OC90: variants seen among roughly 807,000 people sequenced by gnomAD.
OC90 encodes the protein otoconin 90, also known as otoconin-90.
Under a neutral mutation model 47.3 loss-of-function variants are expected in OC90, and 46 were observed. The ratio of observed to expected loss-of-function variants is 0.97; its 90% CI spans 0.77 to 1.24. The LOEUF is 1.24. Among genes scored for constraint, OC90 ranks in the 50% most tolerant of loss-of-function variants. OC90 has a pLI of 0.00. For synonymous variants in OC90, 271 were observed against 219.5 expected, an observed-to-expected ratio of 1.23 and a Z score of -2.07; for missense variants, 688 against 583.9, an observed-to-expected ratio of 1.18 and a Z score of -1.84.
chr8:132,034,939 T>G (rs561249977), intron 9 of OC90, 105 bp from the exon 10 acceptor site: 2 of 761,282 alleles, frequency 2.6e-6, no homozygotes, highest in African/African-American at 1.7e-5. Flanking sequence ...CCATGTGCTC[T>G]TCACTCTGCC....
In OC90 at chr8:132,032,052, G is replaced by A; in HGVS notation, c.860C>T (p.Ala287Val). 1 of 1,613,426 alleles carries A rather than the reference G, an allele frequency of 6.2e-7. No homozygotes were observed. Among genetic ancestry groups the A allele is most frequent in the South Asian group, 1.1e-5 (1 of 90,974 alleles). Residue 287 changes from alanine to valine, a missense_variant and splice_region_variant, in exon 12 of 14, where the codon GCC becomes GTC. Coordinates refer to ENST00000254627, the MANE Select transcript of OC90 (RefSeq NM_001080399.3). ...GTGCAGGAAGGTGAATCTGTCACAGGCTGAAAGGAACAGGAATTGTCAGGA... is the reference window on the plus strand; with the variant it reads ...GTGCAGGAAGGTGAATCTGTCACAGACTGAAAGGAACAGGAATTGTCAGGA... ...ENDPEETTEK[A>V]CDRFTFLHLG...
chr8:132,052,511 G>A (rs1476576582), intron 2 of OC90, among the ~76,000 whole-genome samples: 5 of 152,146 alleles, frequency 3.3e-5, no homozygotes, highest in East Asian at 1.9e-4. Context: ...ACCTATAGAT[G>A]TTAATAAGGT....
At chr8:132,052,290 G>T (rs1388923419) in intron 2 of OC90, among the ~76,000 whole-genome samples, 2 of 152,194 alleles carry the variant, frequency 1.3e-5, no homozygotes, top group Non-Finnish European at 2.9e-5. Context: ...TTGTCACAAA[G>T]CTCATGTACT....
Position 132,039,128 on chromosome 8 carries a change from A to G in OC90, c.458-5T>C. 6.3e-7 allele frequency: 1 copy of G among 1,598,386 alleles called. No homozygotes were observed. Among genetic ancestry groups the G allele is most frequent in the Non-Finnish European group, 8.5e-7 (1 of 1,172,340 alleles). ...GCTCACAGTTGTCCTTGGACTCTGC[A>G]CACAGCAAGAGCATAGCCAATTGGA... On this transcript the variant is annotated splice_polypyrimidine_tract_variant and splice_region_variant and intron_variant, in intron 6 of 13. Transcript: ENST00000254627.
intron 12 of OC90, among the ~76,000 whole-genome samples, 161 bp from the exon 13 acceptor site, chr8:132,029,340 C>T (rs943597738): frequency 2.0e-5 from 3 of 152,170 alleles, no homozygotes; most frequent in Admixed American, 1.3e-4. Flanking sequence ...CAAGGGCCGT[C>T]GTGTATGGTT....
At chr8:132,034,933 G>A (rs1345028161) in intron 9 of OC90, 99 bp from the exon 10 acceptor site, 4 of 817,440 alleles carry the variant, frequency 4.9e-6, no homozygotes, top group Admixed American at 1.9e-5. Flanking sequence ...AGGCAGCCAT[G>A]TGCTCTTCAC....
intron 2 of OC90, among the ~76,000 whole-genome samples, chr8:132,048,463 G>A (rs1187930766): frequency 6.8e-6 from 1 of 147,322 alleles, no homozygotes; most frequent in Non-Finnish European, 1.5e-5. Flanking sequence ...ACCCACCGTG[G>A]TCCCCCAAAT....
intron 2 of OC90, among the ~76,000 whole-genome samples, chr8:132,052,481 G>C (rs1009702209): frequency 6.6e-6 from 1 of 152,144 alleles, no homozygotes; most frequent in Non-Finnish European, 1.5e-5. Context: ...CTCTTCTGGA[G>C]GGTGGGAGAT....
At chr8:132,049,314 T>C (rs1823181374) in intron 2 of OC90, among the ~76,000 whole-genome samples, 1 of 146,900 alleles carries the variant, frequency 6.8e-6, no homozygotes, top group Non-Finnish European at 1.5e-5. Context: ...TCCAGCTTCT[T>C]AATGAGTAAT....
At chr8:132,031,857 G>A (rs1219292000) in intron 12 of OC90, 24 bp downstream of exon 12, 2 of 1,607,940 alleles carry the variant, frequency 1.2e-6, no homozygotes, top group Non-Finnish European at 8.5e-7. Context: ...CTACACCAGA[G>A]CTGTCACCGC....
chr8:132,038,012 C>A (rs989537247), intron 8 of OC90, among the ~76,000 whole-genome samples: 2 of 152,128 alleles, frequency 1.3e-5, no homozygotes, highest in African/African-American at 2.4e-5. Flanking sequence ...TAACAAACAC[C>A]AAACACTGCA....
intron 2 of OC90, among the ~76,000 whole-genome samples, chr8:132,048,065 A>C (rs11990750): frequency 0.049 from 7,496 of 152,252 alleles, 516 homozygotes; most frequent in African/African-American, 0.16. Context: ...CTGCCATGTG[A>C]AGATAAAACG....
At chr8:132,048,615 GT>G (rs1348413475) in intron 2 of OC90, among the ~76,000 whole-genome samples, 2 of 151,668 alleles carry the variant, frequency 1.3e-5, no homozygotes, top group South Asian at 2.1e-4. Context: ...CACCTTAGCT[GT>G]TTTTCTATCA....
In OC90 at chr8:132,034,848, AAG is replaced by A. The variant is rs774491405; in HGVS notation, c.680-16_680-15del. ...CGTGGCCTGCTTCTGTTCCCCAAAG[AAG>A]AGAGACAGCATGAGCATCCACCCCA... On this transcript the variant is annotated splice_polypyrimidine_tract_variant and intron_variant, in intron 9 of 13. Transcript: ENST00000254627. 1 of 1,609,700 alleles carries A rather than the reference AAG, an allele frequency of 6.2e-7. No homozygotes were observed. The highest frequency in any genetic ancestry group is 1.1e-5 in the South Asian group (1 of 90,730).
chr8:132,025,804 C>G (rs1586704249), intron 13 of OC90, among the ~76,000 whole-genome samples: 1 of 152,338 alleles, frequency 6.6e-6, no homozygotes, highest in Middle Eastern at 3.4e-3. Context: ...TCAAGGACTG[C>G]AGAGCCTGTC....
intron 2 of OC90, 138 bp downstream of exon 2, chr8:132,054,843 T>C: frequency 1.8e-6 from 1 of 547,398 alleles, no homozygotes; most frequent in Non-Finnish European, 3.2e-6. Context: ...TGTTTAACCA[T>C]CTCAATTTTA....
At chr8:132,036,798 C>T (rs996114144) in intron 9 of OC90, among the ~76,000 whole-genome samples, 18 of 152,214 alleles carry the variant, frequency 1.2e-4, no homozygotes, top group African/African-American at 4.3e-4. Flanking sequence ...GATCACCTGT[C>T]TTAAAATGGA....
At chr8:132,037,147 T>C (rs1822980383) in intron 9 of OC90, among the ~76,000 whole-genome samples, 1 of 152,234 alleles carries the variant, frequency 6.6e-6, no homozygotes, top group Admixed American at 6.5e-5. Flanking sequence ...GCTGAGCAAC[T>C]GTGACAGAGA....
Position 132,034,761 on chromosome 8 carries a change from G to C in OC90, c.733+20C>G, listed in dbSNP as rs758130626. 5.3e-5 allele frequency: 84 copies of C among 1,577,884 alleles called. No homozygotes were observed. Among genetic ancestry groups the C allele is most frequent in the Non-Finnish European group, 6.0e-5 (69 of 1,149,070 alleles). On this transcript the variant is annotated intron_variant, in intron 10 of 13. Transcript: ENST00000254627. ...ATAAATGTGTCATGAACATAGGCAGGTGGAGCCCAGTAGGCTTACCTGGAG... is the reference window on the plus strand; with the variant it reads ...ATAAATGTGTCATGAACATAGGCAGCTGGAGCCCAGTAGGCTTACCTGGAG...
Sources: gnomAD v4.1 joint callset for allele counts (sites outside exome capture counted in the v4.1 genomes callset) on GRCh38, gnomAD v4.1.1 for gene constraint, MANE v1.5 for transcripts, NCBI Gene and HGNC (gene_info 2026-07-23, HGNC 2026-07-21) for gene names.